The following PPM1L variants were observed in gnomAD, a reference collection of about 807,000 sequenced individuals.
The protein encoded by PPM1L is protein phosphatase, Mg2+/Mn2+ dependent 1L.
PPM1L carries 13 observed loss-of-function variants against 31.4 expected under a neutral mutation model. The ratio of observed to expected loss-of-function variants is 0.41; its 90% CI spans 0.27 to 0.66. The LOEUF (loss-of-function observed/expected upper bound fraction) is 0.66, where lower values mean the gene tolerates loss of function less well. Among genes scored for constraint, PPM1L ranks in the 30% least tolerant of loss-of-function variants. The probability of loss-of-function intolerance (pLI) is 0.29; values close to 1 mark genes in which losing one functional copy is unlikely to be tolerated. For missense variants in PPM1L, 326 were observed against 453.7 expected (o/e 0.72, Z 2.56); for synonymous variants, 184 against 175.4 (o/e 1.05, Z -0.39).
chr3:160,762,608 G>A (rs1714997820), intron 1 of PPM1L, among the ~76,000 whole-genome samples: 1 of 152,314 alleles, frequency 6.6e-6, no homozygotes, highest in Middle Eastern at 3.4e-3. Context: ...ACCTACAAGT[G>A]TGTGATGGCT....
At chr3:160,968,564 A>G (rs1033712790) in intron 2 of PPM1L, among the ~76,000 whole-genome samples, 12 of 152,184 alleles carry the variant, frequency 7.9e-5, no homozygotes, top group Non-Finnish European at 8.8e-5. Context: ...CTAATCTCAA[A>G]TTCTGTTTTT....
At chr3:160,827,539 G>A (rs527935557) in intron 1 of PPM1L, among the ~76,000 whole-genome samples, 117 of 151,490 alleles carry the variant, frequency 7.7e-4, no homozygotes, top group Non-Finnish European at 1.4e-3. Flanking sequence ...TGGGGAAAAC[G>A]TGTGCATACT....
chr3:160,815,137 C>T (rs1019903003), intron 1 of PPM1L, among the ~76,000 whole-genome samples: 2 of 151,984 alleles, frequency 1.3e-5, no homozygotes, highest in Non-Finnish European at 2.9e-5. Context: ...GAAATACCAC[C>T]TGTTCCCCAA....
At chr3:161,043,970 T>A (rs1480192717) in intron 2 of PPM1L, among the ~76,000 whole-genome samples, 1 of 152,192 alleles carries the variant, frequency 6.6e-6, no homozygotes, top group Non-Finnish European at 1.5e-5. Context: ...AAAAAACAAT[T>A]AAAAATATTT....
At chr3:160,997,509 G>A (rs963857905) in intron 2 of PPM1L, among the ~76,000 whole-genome samples, 1 of 152,170 alleles carries the variant, frequency 6.6e-6, no homozygotes. Context: ...GAAACCATTT[G>A]TTGAATTTTT....
At chr3:160,973,764 GTTTTTT>G (rs75599237) in intron 2 of PPM1L, among the ~76,000 whole-genome samples, 23 of 88,470 alleles carry the variant, frequency 2.6e-4, no homozygotes, top group Admixed American at 4.7e-4. Flanking sequence ...GAAAGGCCCT[GTTTTTT>G]TTTTTTTTTT....
At chr3:160,945,091 C>CATAT (rs1488941608) in intron 1 of PPM1L, among the ~76,000 whole-genome samples, 16 of 129,292 alleles carry the variant, frequency 1.2e-4, no homozygotes, top group African/African-American at 4.3e-4. Context: ...CTATATATAA[C>CATAT]ATGTTATATA....
At chr3:160,934,891 T>C (rs2108082164) in intron 1 of PPM1L, among the ~76,000 whole-genome samples, 1 of 151,984 alleles carries the variant, frequency 6.6e-6, no homozygotes, top group Non-Finnish European at 1.5e-5. Flanking sequence ...GGGGTTGCAG[T>C]GAGCTGAGAT....
intron 1 of PPM1L, among the ~76,000 whole-genome samples, chr3:160,836,534 G>T (rs1481061107): frequency 6.6e-6 from 1 of 152,180 alleles, no homozygotes; most frequent in East Asian, 1.9e-4. Flanking sequence ...CTAAAATTTT[G>T]GTATCACTGA....
chr3:160,827,226 G>A (rs776513180), intron 1 of PPM1L, among the ~76,000 whole-genome samples: 1 of 152,042 alleles, frequency 6.6e-6, no homozygotes, highest in African/African-American at 2.4e-5. Context: ...ATGGAATTTT[G>A]CATCTGCAAA....
intron 2 of PPM1L, among the ~76,000 whole-genome samples, chr3:161,019,841 TG>T (rs1186572685): frequency 6.6e-6 from 1 of 152,114 alleles, no homozygotes; most frequent in Non-Finnish European, 1.5e-5. Context: ...TAAAATGTTG[TG>T]CTGCTGGGCA....
At chr3:160,952,259 A>G (rs1715597438) in intron 1 of PPM1L, among the ~76,000 whole-genome samples, 1 of 152,204 alleles carries the variant, frequency 6.6e-6, no homozygotes, top group African/African-American at 2.4e-5. Flanking sequence ...GTCAAAAGTT[A>G]ATGATATGTT....
intron 1 of PPM1L, among the ~76,000 whole-genome samples, chr3:160,906,917 G>A (rs1197868823): frequency 6.6e-6 from 1 of 152,184 alleles, no homozygotes; most frequent in Non-Finnish European, 1.5e-5. Context: ...TTTAGAACAA[G>A]CAAATGTGAG....
At chr3:160,978,396 G>A (rs1051955320) in intron 2 of PPM1L, among the ~76,000 whole-genome samples, 25 of 152,284 alleles carry the variant, frequency 1.6e-4, no homozygotes, top group Middle Eastern at 3.4e-3. Flanking sequence ...CAGTGGTGGC[G>A]GAAATAAGAG....
intron 1 of PPM1L, among the ~76,000 whole-genome samples, chr3:160,955,737 G>A (rs1276360379): frequency 1.0e-4 from 15 of 149,336 alleles, no homozygotes; most frequent in African/African-American, 2.5e-4. Context: ...TGCAAGCTCC[G>A]CCTCCTGGGT....
chr3:161,003,496 G>C (rs1427231169), intron 2 of PPM1L, among the ~76,000 whole-genome samples: 1 of 151,162 alleles, frequency 6.6e-6, no homozygotes, highest in Non-Finnish European at 1.5e-5. Context: ...CCATTTGTTT[G>C]TATCCTCTTT....
chr3:161,035,457 T>G (rs942751307), intron 2 of PPM1L, among the ~76,000 whole-genome samples: 1 of 152,250 alleles, frequency 6.6e-6, no homozygotes, highest in Non-Finnish European at 1.5e-5. Context: ...CTTTTGACTG[T>G]AGACAGACAT....
chr3:160,821,853 T>TA (rs5853905), intron 1 of PPM1L, among the ~76,000 whole-genome samples: 8,686 of 151,846 alleles, frequency 0.057, 270 homozygotes, highest in African/African-American at 0.074. Context: ...ATTCCTTTTT[T>TA]AAAAAAAATT....
chr3:160,891,202 G>A (rs1212038450), intron 1 of PPM1L, among the ~76,000 whole-genome samples: 1 of 151,816 alleles, frequency 6.6e-6, no homozygotes, highest in East Asian at 1.9e-4. Context: ...TTCAGAATGG[G>A]AGAAAATGTT....
Sources: gnomAD v4.1 joint callset for allele counts (sites outside exome capture counted in the v4.1 genomes callset) on GRCh38, gnomAD v4.1.1 for gene constraint, MANE v1.5 for transcripts, NCBI Gene and HGNC (gene_info 2026-07-23, HGNC 2026-07-21) for gene names.